The following EGFLAM variants were observed in gnomAD, a reference collection of about 807,000 sequenced individuals.
EGFLAM encodes the protein EGF like, fibronectin type III and laminin G domains.
In EGFLAM, 79 loss-of-function variants were observed where a neutral mutation model predicts 113.1. The observed-to-expected ratio is 0.70, with a 90% CI of 0.58 to 0.84. The LOEUF (loss-of-function observed/expected upper bound fraction) is 0.84, where lower values mean the gene tolerates loss of function less well. Ranked by LOEUF, EGFLAM falls within the 40% of genes least tolerant of loss-of-function variation. EGFLAM has a pLI of 0.00. For missense variants in EGFLAM, 1,265 were observed against 1,291.6 expected, an observed-to-expected ratio of 0.98 and a Z score of 0.32; for synonymous variants, 504 against 487.6, an observed-to-expected ratio of 1.03 and a Z score of -0.44.
At chr5:38,414,530 T>C (rs1286134130) in intron 11 of EGFLAM, among the ~76,000 whole-genome samples, 1 of 152,302 alleles carries the variant, frequency 6.6e-6, no homozygotes. Flanking sequence ...GGTGATGATC[T>C]TATTCTATTC....
rs147330418 is a variant in EGFLAM at position 38,427,241 on chromosome 5, C to T, written c.2043C>T (p.Thr681=). Residue 681 remains threonine (T), a synonymous_variant, in exon 14 of 22, where the codon ACC becomes ACT. Coordinates refer to ENST00000322350, the MANE Select transcript of EGFLAM (RefSeq NM_152403.4). ...TCCGCTTTGACTGTGGCTCTGGGAC[C>T]GGTGTCCTCAGGTGAGGGCTGAAAA... ...VEFRFDCGSG[T]GVLRSEDPLT... 1.2e-5 allele frequency: 20 copies of T among 1,613,884 alleles called. No homozygotes were observed. The Admixed American group carries it at 1.7e-4, about 13-fold the overall frequency.
At chr5:38,326,242 A>G (rs538049432) in intron 1 of EGFLAM, among the ~76,000 whole-genome samples, 116 of 152,276 alleles carry the variant, frequency 7.6e-4, no homozygotes, top group Non-Finnish European at 1.4e-3. Context: ...AAGGGACATG[A>G]TGGTGAGACA....
rs549153604 is a variant in EGFLAM at position 38,438,319 on chromosome 5, C to T, written c.2328C>T (p.Thr776=). ...CCATCCATGTGAAGCATGACTTCAC[C>T]TCCGGAGTGAATGTGGAGAATGCGG... ...DRTIHVKHDF[T]SGVNVENAAH... The change falls in exon 17 of 22, where the codon ACC becomes ACT. Residue 776 remains threonine (T), a synonymous_variant. Coordinates refer to ENST00000322350, the MANE Select transcript of EGFLAM (RefSeq NM_152403.4). 6.2e-7 allele frequency: 1 copy of T among 1,614,080 alleles called. No homozygotes were observed. Among genetic ancestry groups the T allele is most frequent in the Non-Finnish European group, 8.5e-7 (1 of 1,179,970 alleles).
intron 14 of EGFLAM, 173 bp downstream of exon 14, chr5:38,427,425 TAG>T (rs1434832222): frequency 9.4e-7 from 1 of 1,068,048 alleles, no homozygotes; most frequent in East Asian, 2.6e-5. Context: ...AGGCTTCCTA[TAG>T]AGAGTGCTCT....
chr5:38,453,275 G>T (rs1401965754), intron 19 of EGFLAM, among the ~76,000 whole-genome samples: 1 of 152,202 alleles, frequency 6.6e-6, no homozygotes, highest in Non-Finnish European at 1.5e-5. Flanking sequence ...ACTAGCTCAA[G>T]TGTTTGCTAA....
intron 16 of EGFLAM, 137 bp from the exon 17 acceptor site, chr5:38,438,138 A>AG (rs1325413981): frequency 1.5e-5 from 12 of 783,038 alleles, no homozygotes; most frequent in Admixed American, 7.6e-5. Context: ...AAAAAAAAAA[A>AG]AAGTGGAAAC....
At chr5:38,458,256 C>A in intron 19 of EGFLAM, 55 bp from the exon 20 acceptor site, 1 of 1,541,396 alleles carries the variant, frequency 6.5e-7, no homozygotes, top group Non-Finnish European at 8.9e-7. Context: ...ACCGTGTCTG[C>A]TTATGCCTCA....
intron 1 of EGFLAM, among the ~76,000 whole-genome samples, chr5:38,283,510 C>A (rs1195871438): frequency 6.6e-6 from 1 of 152,108 alleles, no homozygotes; most frequent in Non-Finnish European, 1.5e-5. Context: ...CTGGTAGTAA[C>A]AGCATAGCCT....
chr5:38,297,687 A>C (rs1180934564), intron 1 of EGFLAM, among the ~76,000 whole-genome samples: 1 of 152,188 alleles, frequency 6.6e-6, no homozygotes, highest in East Asian at 1.9e-4. Flanking sequence ...TTAAAGTCAC[A>C]CTTCTCAGGC....
rs146534544 is a variant in EGFLAM at position 38,431,340 on chromosome 5, T to C, written c.2166+52T>C. The C allele has an allele frequency of 1.3e-4, 205 of 1,559,680 alleles. No homozygotes were observed. In the African/African-American group the frequency reaches 2.5e-3, roughly 19 times the overall value. On this transcript the variant is annotated intron_variant, in intron 15 of 21. Transcript: ENST00000322350. ...ATGGTTAGTGTGAGCCAGATTACTGTTTTCTGCCTGTCTTGGTAGAAAAGC... is the reference window on the plus strand; with the variant it reads ...ATGGTTAGTGTGAGCCAGATTACTGCTTTCTGCCTGTCTTGGTAGAAAAGC...
intron 1 of EGFLAM, among the ~76,000 whole-genome samples, chr5:38,320,590 GTA>G (rs1738712546): frequency 6.6e-6 from 1 of 152,220 alleles, no homozygotes; most frequent in South Asian, 2.1e-4. Context: ...GTATGCCTGT[GTA>G]TATGTGTGTC....
chr5:38,293,899 G>A (rs530831850), intron 1 of EGFLAM, among the ~76,000 whole-genome samples: 18 of 152,302 alleles, frequency 1.2e-4, no homozygotes, highest in Admixed American at 5.2e-4. Flanking sequence ...TTAAGGAACA[G>A]TAAATTCAGG....
intron 15 of EGFLAM, among the ~76,000 whole-genome samples, chr5:38,434,221 T>C (rs571372475): frequency 6.6e-6 from 1 of 152,206 alleles, no homozygotes; most frequent in Admixed American, 6.5e-5. Flanking sequence ...GTTTCTACAA[T>C]GTTAACTCTT....
At position 38,259,953 on chromosome 5, in the gene EGFLAM, T is replaced by G. The variant is rs545870933; in HGVS notation, c.97+1102T>G. On this transcript the variant is annotated intron_variant, in intron 1 of 21. Transcript: ENST00000322350. ...AAACTCTCTATCTGGAAATATGACT[T>G]GTTGCATTTCGGCTCTGGAAGCGTC... Among the ~76,000 whole-genome samples the G allele has an allele frequency of 2.0e-5, 3 of 152,346 alleles. No homozygotes were observed. In the East Asian group the frequency reaches 5.8e-4, roughly 29 times the overall value.
At chr5:38,448,276 ACCT>A in intron 17 of EGFLAM, 22 bp from the exon 18 acceptor site, 1 of 1,613,702 alleles carries the variant, frequency 6.2e-7, no homozygotes, top group East Asian at 2.2e-5. Context: ...ATACTATGTA[ACCT>A]CCTTTTTCTG....
chr5:38,298,645 T>A (rs1412664472), intron 1 of EGFLAM, among the ~76,000 whole-genome samples: 4 of 152,212 alleles, frequency 2.6e-5, no homozygotes, highest in Non-Finnish European at 5.9e-5. Context: ...TGACAAACAT[T>A]AGCTAAGATT....
intron 12 of EGFLAM, among the ~76,000 whole-genome samples, chr5:38,418,807 T>C (rs545006283): frequency 2.6e-5 from 4 of 152,326 alleles, no homozygotes; most frequent in South Asian, 4.1e-4. Flanking sequence ...AAATAACTTA[T>C]TGAAAGTAGC....
Position 38,370,425 on chromosome 5 carries a change from C to T in EGFLAM, c.675C>T (p.Ser225=), listed in dbSNP as rs779601446. ...AVRAMNSHGP[S]PRSWPSDIIR... is the part of the protein sequence containing the mutation. Reference sequence around the variant, plus strand: ...GGGCAATGAATTCCCATGGCCCCAGCCCCCGCAGCTGGCCCAGTGACATCA... The same window carrying T: ...GGGCAATGAATTCCCATGGCCCCAGTCCCCGCAGCTGGCCCAGTGACATCA... The change falls in exon 6 of 22, where the codon AGC becomes AGT. Residue 225 remains serine, a synonymous_variant. Transcript: ENST00000322350. The T allele has an allele frequency of 1.2e-6, 2 of 1,614,106 alleles. No homozygotes were observed. Among genetic ancestry groups the T allele is most frequent in the Non-Finnish European group, 8.5e-7 (1 of 1,180,016 alleles).
chr5:38,351,514 A>G (rs115392818), intron 4 of EGFLAM, among the ~76,000 whole-genome samples: 1,675 of 152,224 alleles, frequency 0.011, 31 homozygotes, highest in African/African-American at 0.039. Flanking sequence ...CTTTGGCCCG[A>G]GTTACAAAAA....
Sources: gnomAD v4.1 joint callset for allele counts (sites outside exome capture counted in the v4.1 genomes callset) on GRCh38, gnomAD v4.1.1 for gene constraint, MANE v1.5 for transcripts, NCBI Gene and HGNC (gene_info 2026-07-23, HGNC 2026-07-21) for gene names.